The following PDE3B variants were observed in gnomAD, a reference collection of about 807,000 sequenced individuals.
PDE3B encodes cGMP-inhibited 3',5'-cyclic phosphodiesterase 3B.
A neutral mutation model predicts 116.8 loss-of-function variants in PDE3B; 66 were observed. The observed-to-expected ratio is 0.56, with a 90% CI of 0.46 to 0.69. The LOEUF (loss-of-function observed/expected upper bound fraction) is 0.69. Among genes scored for constraint, PDE3B ranks in the 30% least tolerant of loss-of-function variants. The pLI, the probability that PDE3B is intolerant of heterozygous loss-of-function variation, is 0.00. For missense variants in PDE3B, 1,384 were observed against 1,368.1 expected (o/e 1.01, Z -0.18); for synonymous variants, 595 against 533.6 (o/e 1.12, Z -1.59).
intron 1 of PDE3B, among the ~76,000 whole-genome samples, chr11:14,663,894 C>G (rs1854026384): frequency 6.6e-6 from 1 of 152,154 alleles, no homozygotes; most frequent in African/African-American, 2.4e-5. Flanking sequence ...AGGAATTGAA[C>G]TCATCTCTGC....
At chr11:14,850,004 C>G (rs573791097) in intron 12 of PDE3B, among the ~76,000 whole-genome samples, 2,034 of 152,126 alleles carry the variant, frequency 0.013, 19 homozygotes, top group Middle Eastern at 0.027. Flanking sequence ...ACCCAAAGGA[C>G]TATAAATCAT....
chr11:14,835,886 G>A (rs1860036687), intron 11 of PDE3B, among the ~76,000 whole-genome samples: 2 of 152,186 alleles, frequency 1.3e-5, no homozygotes. Flanking sequence ...CTTGAGCCCA[G>A]GAGTTCAAGG....
At chr11:14,674,558 A>G (rs1854473740) in intron 1 of PDE3B, 1 of 408,942 alleles carries the variant, frequency 2.4e-6, no homozygotes, top group Middle Eastern at 8.5e-4. Flanking sequence ...GAAGCCATTT[A>G]TAAGTGATTT....
intron 1 of PDE3B, among the ~76,000 whole-genome samples, chr11:14,670,807 T>C (rs1384207548): frequency 6.6e-6 from 1 of 152,162 alleles, no homozygotes; most frequent in Non-Finnish European, 1.5e-5. Context: ...CTGTTGACAA[T>C]TTCTGTTCCT....
the PDE3B span, chr11:14,891,797 G>C: frequency 7.1e-7 from 1 of 1,411,748 alleles, no homozygotes; most frequent in East Asian, 2.7e-5. Context: ...CCCTGCAAGG[G>C]GGCACGGCGT....
intron 14 of PDE3B, among the ~76,000 whole-genome samples, chr11:14,862,581 A>T (rs1359042178): frequency 6.6e-6 from 1 of 152,100 alleles, no homozygotes; most frequent in African/African-American, 2.4e-5. Flanking sequence ...TTTGTTCTTA[A>T]ATCTTTTTTT....
At chr11:14,708,429 A>G (rs1469835537) in intron 1 of PDE3B, among the ~76,000 whole-genome samples, 1 of 152,082 alleles carries the variant, frequency 6.6e-6, no homozygotes, top group Admixed American at 6.6e-5. Context: ...GGAATAAGAC[A>G]TTGGCTAAGT....
Position 14,786,634 on chromosome 11 carries a change from C to T in PDE3B, c.1227C>T (p.Pro409=). 1.2e-6 allele frequency: 2 copies of T among 1,612,616 alleles called. No individual in the cohort carries two copies. The highest frequency in any genetic ancestry group is 1.7e-5 in the Admixed American group (1 of 59,956). ...NPLTPFPGFY[P]CSEIEDPAEK... ...TCACACCATTTCCTGGATTTTACCC[C>T]TGTTCTGAAATAGAGGACCCAGCTG... Residue 409 remains proline, a synonymous_variant, in exon 3 of 16, where the codon CCC becomes CCT. Coordinates refer to ENST00000282096, the MANE Select transcript of PDE3B (RefSeq NM_000922.4).
intron 1 of PDE3B, among the ~76,000 whole-genome samples, chr11:14,737,226 C>T (rs1014172691): frequency 1.4e-5 from 2 of 145,978 alleles, no homozygotes; most frequent in Non-Finnish European, 3.0e-5. Flanking sequence ...TGGAATCTCG[C>T]TCTTTCACCC....
chr11:14,652,782 A>C (rs1012029381), intron 1 of PDE3B, among the ~76,000 whole-genome samples: 1 of 152,098 alleles, frequency 6.6e-6, no homozygotes, highest in Non-Finnish European at 1.5e-5. Context: ...ATCATACAGT[A>C]TTTTTTTGTG....
intron 1 of PDE3B, among the ~76,000 whole-genome samples, chr11:14,732,191 T>TG (rs980364423): frequency 7.9e-5 from 12 of 151,988 alleles, no homozygotes; most frequent in Admixed American, 6.6e-4. Context: ...AAGGTGCAGG[T>TG]GGGGGGCAGT....
At chr11:14,771,252 C>T (rs989235500) in intron 1 of PDE3B, among the ~76,000 whole-genome samples, 3 of 151,540 alleles carry the variant, frequency 2.0e-5, no homozygotes, top group Non-Finnish European at 4.4e-5. Context: ...TGATAGGTAG[C>T]AGTTATAGCT....
At chr11:14,740,032 G>A (rs909796686) in intron 1 of PDE3B, among the ~76,000 whole-genome samples, 7 of 152,034 alleles carry the variant, frequency 4.6e-5, no homozygotes, top group Non-Finnish European at 7.4e-5. Context: ...TTTTTGCATC[G>A]ATGTTCATTA....
chr11:14,723,610 C>G (rs1028722515), intron 1 of PDE3B, among the ~76,000 whole-genome samples: 7 of 151,542 alleles, frequency 4.6e-5, no homozygotes, highest in African/African-American at 7.3e-5. Context: ...AAAAAAAACC[C>G]ATTAGCTGGG....
intron 1 of PDE3B, among the ~76,000 whole-genome samples, chr11:14,657,431 A>G (rs1383293503): frequency 1.3e-5 from 2 of 152,228 alleles, no homozygotes; most frequent in African/African-American, 4.8e-5. Flanking sequence ...TTTCAGAAAA[A>G]GTCTCCTGAA....
chr11:14,835,140 T>C (rs1452304020), intron 11 of PDE3B, 45 bp downstream of exon 11: 3 of 1,209,576 alleles, frequency 2.5e-6, no homozygotes, highest in Middle Eastern at 3.9e-4. Flanking sequence ...TCAGGAATAG[T>C]AAATCAAGCT....
At chr11:14,754,256 T>A (rs1857127509) in intron 1 of PDE3B, among the ~76,000 whole-genome samples, 1 of 152,082 alleles carries the variant, frequency 6.6e-6, no homozygotes, top group Admixed American at 6.6e-5. Context: ...TAATCTAATT[T>A]TACCAGCCAG....
intron 1 of PDE3B, among the ~76,000 whole-genome samples, chr11:14,712,199 C>G (rs1233555594): frequency 6.6e-6 from 1 of 152,124 alleles, no homozygotes; most frequent in Non-Finnish European, 1.5e-5. Flanking sequence ...TGTCCTCCTG[C>G]CTCAGCCTCC....
intron 1 of PDE3B, among the ~76,000 whole-genome samples, chr11:14,683,967 G>A (rs1207699581): frequency 6.6e-6 from 1 of 152,098 alleles, no homozygotes; most frequent in Non-Finnish European, 1.5e-5. Context: ...AGTGTTTGGA[G>A]TATTTCTGCC....
Sources: allele counts gnomAD v4.1 joint callset (sites outside exome capture counted in the v4.1 genomes callset), GRCh38; gene constraint gnomAD v4.1.1; transcripts MANE v1.5; gene names NCBI Gene and HGNC (gene_info 2026-07-23, HGNC 2026-07-21).